Variants in MYOM2 observed in about 807,000 individuals in gnomAD.
MYOM2 encodes the protein myomesin 2, also known as myomesin-2.
In MYOM2, 254 loss-of-function variants were observed where a neutral mutation model predicts 187.6. The observed-to-expected ratio is 1.35, with a 90% CI of 1.22 to 1.50. The LOEUF (loss-of-function observed/expected upper bound fraction) is 1.50, where lower values mean the gene tolerates loss of function less well. Among genes scored for constraint, MYOM2 ranks in the 40% most tolerant of loss-of-function variants. The probability of loss-of-function intolerance (pLI) is 0.00; values close to 1 mark genes in which losing one functional copy is unlikely to be tolerated. For synonymous variants in MYOM2, 981 were observed against 753.8 expected (o/e 1.30, Z -4.94); for missense variants, 2,796 against 1,924.0 (o/e 1.45, Z -8.48).
rs1819788347 is a variant in MYOM2 at position 2,085,445 on chromosome 8, T to TTGTGATCTCTGTGTGGCC, written c.1644+55_1644+56insTGTGATCTCTGTGTGGCC. ...TAGATCTCTGCATGGCCCCCCACTG[T>TTGTGATCTCTGTGTGGCC]CATGATCTCTGCGTGGCCCACCGCT... On this transcript the variant is annotated intron_variant, in intron 14 of 36. Coordinates refer to ENST00000262113, the MANE Select transcript of MYOM2 (RefSeq NM_003970.4). 9 of 1,591,706 alleles carry TTGTGATCTCTGTGTGGCC rather than the reference T, an allele frequency of 5.7e-6. No homozygotes were observed. The Admixed American group carries it at 6.9e-5, about 12-fold the overall frequency.
In MYOM2 at chr8:2,076,240, A is replaced by C. The variant is rs768175123; in HGVS notation, c.1220A>C (p.Asn407Thr). 1 of 1,613,700 alleles carries C rather than the reference A, an allele frequency of 6.2e-7. No homozygotes were observed. Residue 407 changes from asparagine (N) to threonine (T), a missense_variant, in exon 11 of 37, where the codon AAC becomes ACC. Coordinates refer to ENST00000262113, the MANE Select transcript of MYOM2 (RefSeq NM_003970.4). ...GTCATCGTGACCTGGAAGCCGCCCA[A>C]CACCACCACTGAGAGCCCCGTCATG... ...DYVIVTWKPP[N>T]TTTESPVMGY...
rs764101418 is a variant in MYOM2, at chr8:2,076,187, G to C, written c.1167G>C (p.Leu389Phe). Residue 389 changes from leucine to phenylalanine, a missense_variant, in exon 11 of 37, where the codon TTG becomes TTC. Physicochemically the swap from Leu to Phe is conservative, Grantham distance 22. Coordinates refer to ENST00000262113, the MANE Select transcript of MYOM2 (RefSeq NM_003970.4). ...GGGCCCCCGGTGCACCCATGGACTT[G>C]CAGTGCCACGACGCCAACCGGGACT... Reference protein sequence around the residue: ...VTGAPGAPMDLQCHDANRDYV... With the variant: ...VTGAPGAPMDFQCHDANRDYV... 1.4e-5 allele frequency: 22 copies of C among 1,613,232 alleles called. No homozygotes were observed. The highest frequency in any genetic ancestry group is 1.8e-5 in the Non-Finnish European group (21 of 1,179,866).
intron 32 of MYOM2, among the ~76,000 whole-genome samples, chr8:2,130,998 C>T (rs1165934029): frequency 6.6e-6 from 1 of 152,196 alleles, no homozygotes; most frequent in African/African-American, 2.4e-5. Flanking sequence ...GTGTGTCCTG[C>T]CATCCGTCAT....
intron 14 of MYOM2, among the ~76,000 whole-genome samples, chr8:2,088,016 G>A (rs1309697962): frequency 6.6e-6 from 1 of 152,062 alleles, no homozygotes; most frequent in Non-Finnish European, 1.5e-5. Flanking sequence ...TGTCAGTATT[G>A]ATGACATGGC....
At chr8:2,057,572 G>C in intron 4 of MYOM2, 51 bp from the exon 5 acceptor site, 1 of 1,613,128 alleles carries the variant, frequency 6.2e-7, no homozygotes, top group Non-Finnish European at 8.5e-7. Flanking sequence ...GGCCGAGGGT[G>C]GAGCTTGGCT....
At chr8:2,062,308 C>G (rs1477649098) in intron 6 of MYOM2, among the ~76,000 whole-genome samples, 2 of 152,222 alleles carry the variant, frequency 1.3e-5, no homozygotes, top group African/African-American at 4.8e-5. Context: ...TAGAGGATCA[C>G]TCTGACTGCA....
chr8:2,087,913 T>G (rs1040576401), intron 14 of MYOM2, among the ~76,000 whole-genome samples: 1 of 152,176 alleles, frequency 6.6e-6, no homozygotes, highest in African/African-American at 2.4e-5. Context: ...TTAGTGTGTT[T>G]ACAGGCCAGG....
intron 11 of MYOM2, chr8:2,076,594 A>T: frequency 3.3e-6 from 1 of 307,602 alleles, no homozygotes; most frequent in Non-Finnish European, 6.0e-6. Context: ...GGTTCTGCTG[A>T]GGTCCGGGCT....
At position 2,092,445 on chromosome 8, in the gene MYOM2, G is replaced by T; in HGVS notation, c.1928G>T (p.Gly643Val). Residue 643 changes from glycine to valine, a missense_variant, in exon 16 of 37, where the codon GGC (glycine) becomes GTC (valine). By Grantham distance (109) the Gly-to-Val change is moderately radical. Coordinates refer to ENST00000262113, the MANE Select transcript of MYOM2 (RefSeq NM_003970.4). Reference protein sequence around the residue: ...DRPKHEEDLLGYYVDCCVAGT... With the variant: ...DRPKHEEDLLVYYVDCCVAGT... ...CCTAAGCATGAGGAGGACCTGCTGG[G>T]CTACTACGTGGACTGCTGTGTGGCC... is the stretch of plus-strand genomic sequence containing the variant. 1 of 1,614,170 alleles carries T rather than the reference G, an allele frequency of 6.2e-7. No individual in the cohort carries two copies. Among genetic ancestry groups the T allele is most frequent in the African/African-American group, 1.3e-5 (1 of 75,050 alleles).
At position 2,145,433 on chromosome 8, in the gene MYOM2, AG is replaced by A. The variant is rs1798428143; in HGVS notation, c.*454del. ...GGTTAAGCTTGTTTTCTCTTGCTTTAGGCAAATAAAAGTTTAAAAATCACCT... is the reference window on the plus strand; with the variant it reads ...GGTTAAGCTTGTTTTCTCTTGCTTTAGCAAATAAAAGTTTAAAAATCACCT... On this transcript the variant is annotated 3_prime_UTR_variant, in exon 37 of 37. Coordinates refer to ENST00000262113, the MANE Select transcript of MYOM2 (RefSeq NM_003970.4). 3 of 195,826 alleles carry A rather than the reference AG, an allele frequency of 1.5e-5. No individual in the cohort carries two copies. Among genetic ancestry groups the A allele is most frequent in the Non-Finnish European group, 3.0e-5 (3 of 98,824 alleles). The allele number at this position is 195,826 out of a possible 1,614,324, so 12.1% of individuals were successfully genotyped here.
At chr8:2,142,327 C>G (rs777917018) in intron 34 of MYOM2, 48 bp from the exon 35 acceptor site, 3 of 1,593,338 alleles carry the variant, frequency 1.9e-6, no homozygotes, top group African/African-American at 2.7e-5. Flanking sequence ...GAAGCATTTT[C>G]TCATACTCTC....
intron 2 of MYOM2, among the ~76,000 whole-genome samples, chr8:2,051,548 A>T (rs1486913951): frequency 6.6e-6 from 1 of 152,220 alleles, no homozygotes; most frequent in Non-Finnish European, 1.5e-5. Context: ...CCCTATGTTT[A>T]GAAACGCTTA....
At chr8:2,108,430 T>A (rs1796963580) in intron 23 of MYOM2, among the ~76,000 whole-genome samples, 1 of 152,074 alleles carries the variant, frequency 6.6e-6, no homozygotes, top group Non-Finnish European at 1.5e-5. Flanking sequence ...GCCAGTGCAA[T>A]CAATTTTAGG....
In MYOM2 at chr8:2,125,875, C is replaced by G. The variant is rs914670975; in HGVS notation, c.3694+1658C>G. Among the ~76,000 whole-genome samples, 9 of 151,960 alleles carry G rather than the reference C, an allele frequency of 5.9e-5. No individual in the cohort carries two copies. In the South Asian group the frequency reaches 1.9e-3, roughly 32 times the overall value. ...CGCCCGCCCGCCCACCGAGGCCTCC[C>G]TAAGTGCTGGGATTACATGCTTGAG... On this transcript the variant is annotated intron_variant, in intron 31 of 36. Coordinates refer to ENST00000262113, the MANE Select transcript of MYOM2 (RefSeq NM_003970.4).
At chr8:2,064,730 C>T (rs1196018916) in intron 6 of MYOM2, among the ~76,000 whole-genome samples, 1 of 152,164 alleles carries the variant, frequency 6.6e-6, no homozygotes. Context: ...TGCTGGCTGG[C>T]GAGGGGGGCC....
In MYOM2 at chr8:2,072,379, C is replaced by T. The variant is rs200300904; in HGVS notation, c.828C>T (p.Phe276=). The T allele has an allele frequency of 4.2e-5, 68 of 1,613,752 alleles. No individual in the cohort carries two copies. The East Asian group carries it at 1.0e-3, about 24-fold the overall frequency. The change falls in exon 9 of 37, where the codon TTC becomes TTT. Residue 276 remains phenylalanine (F), a synonymous_variant. Coordinates refer to ENST00000262113, the MANE Select transcript of MYOM2 (RefSeq NM_003970.4). Reference sequence around the variant, plus strand: ...CATCGATGATTCCGTACACGCACTTCGACGTCCAGTTTTTGGAGAAGTTTG... The same window carrying T: ...CATCGATGATTCCGTACACGCACTTTGACGTCCAGTTTTTGGAGAAGTTTG... ...PLSSMIPYTH[F]DVQFLEKFGV...
chr8:2,077,351 A>G (rs1024841613), intron 11 of MYOM2, among the ~76,000 whole-genome samples: 2 of 152,150 alleles, frequency 1.3e-5, no homozygotes, highest in East Asian at 3.8e-4. Flanking sequence ...AACAAAACAA[A>G]AAAACCACAA....
intron 6 of MYOM2, among the ~76,000 whole-genome samples, chr8:2,067,412 C>T (rs1242729234): frequency 6.6e-6 from 1 of 152,130 alleles, no homozygotes; most frequent in Non-Finnish European, 1.5e-5. Context: ...ATTTTGGAGT[C>T]ACGTGGACCT....
rs761840713 is a variant in MYOM2 at position 2,117,905 on chromosome 8, T to C, written c.3406T>C (p.Leu1136=). 1 of 1,613,540 alleles carries C rather than the reference T, an allele frequency of 6.2e-7. No homozygotes were observed. The highest frequency in any genetic ancestry group is 1.1e-5 in the South Asian group (1 of 90,958). Residue 1136 remains leucine, a synonymous_variant, in exon 28 of 37, where the codon TTG becomes CTG. Transcript: ENST00000262113. ...RKQGPHFAEY[L]HWDVTEECEV... The stretch of plus-strand genomic sequence containing the variant: ...CCTAGGCCCTCATTTTGCTGAGTAC[T>C]TGCACTGGGATGTCACGGAAGAATG...
Sources: gnomAD v4.1 joint callset for allele counts (sites outside exome capture counted in the v4.1 genomes callset) on GRCh38, gnomAD v4.1.1 for gene constraint, MANE v1.5 for transcripts, NCBI Gene and HGNC (gene_info 2026-07-23, HGNC 2026-07-21) for gene names.